BFSP1: variants seen among roughly 807,000 people sequenced by gnomAD.
The protein encoded by BFSP1 is beaded filament structural protein 1.
A neutral mutation model predicts 43.9 loss-of-function variants in BFSP1; 38 were observed. The observed-to-expected ratio is 0.87, with a 90% CI of 0.67 to 1.14. BFSP1 has a LOEUF of 1.14. BFSP1 is among the 50% of genes most tolerant of loss of function. The pLI is 0.00. For synonymous variants in BFSP1, 352 were observed against 354.8 expected (o/e 0.99, Z 0.09); for missense variants, 850 against 875.1 (o/e 0.97, Z 0.36).
rs1394670245 is a variant in BFSP1, at chr20:17,525,490, C to T, written c.378-582G>A. Among the ~76,000 whole-genome samples the T allele has an allele frequency of 6.6e-6, 1 of 152,214 alleles. No homozygotes were observed. Among genetic ancestry groups the T allele is most frequent in the Non-Finnish European group, 1.5e-5 (1 of 68,048 alleles). ...CCTCCCAGCAGCATCACTCCCCACA[C>T]AGCGATGGCCTCCTCTGGGCAAATG... On this transcript the variant is annotated intron_variant, in intron 1 of 7. Transcript: ENST00000377873. This position sits in a 1 kb window ranked among gnomAD's most constrained non-coding sequence, Gnocchi z 4.2.
chr20:17,521,342 A>C (rs2034315709), intron 2 of BFSP1, among the ~76,000 whole-genome samples: 1 of 152,222 alleles, frequency 6.6e-6, no homozygotes, highest in East Asian at 1.9e-4. Flanking sequence ...CACGGGCAGC[A>C]TGAAGAAATG....
At chr20:17,550,315 C>CT (rs142938146) in intron 1 of BFSP1, among the ~76,000 whole-genome samples, 2,008 of 152,172 alleles carry the variant, frequency 0.013, 40 homozygotes, top group East Asian at 0.083. Context: ...TTAAATTTTT[C>CT]TTATATAGGG....
chr20:17,514,006 T>G (rs1304652587), intron 3 of BFSP1, among the ~76,000 whole-genome samples: 1 of 152,144 alleles, frequency 6.6e-6, no homozygotes, highest in Non-Finnish European at 1.5e-5. Context: ...AACACCCCAC[T>G]ACAGGCGGAG....
Position 17,531,070 on chromosome 20 carries a change from G to C in BFSP1, c.260C>G (p.Ala87Gly). The change falls in exon 1 of 8, where the codon GCC becomes GGC. Residue 87 changes from alanine (A) to glycine (G), a missense_variant. Ala to Gly is a moderately conservative substitution (Grantham distance 60). Transcript: ENST00000377873. The stretch of plus-strand genomic sequence containing the variant: ...GTTGCTCTCGACTTGGCGGGCGAGG[G>C]CGTCCTCGGGCCCGGCCAGCTCGCC... ...RLGELAGPED[A>G]LARQVESNRQ... 2.1e-6 allele frequency: 3 copies of C among 1,395,416 alleles called. No individual in the cohort carries two copies. The highest frequency in any genetic ancestry group is 1.5e-5 in the South Asian group (1 of 64,582). 86.4% of individuals were successfully genotyped at this position (1,395,416 alleles called of 1,614,324 possible).
chr20:17,560,681 G>A (rs1292584485), upstream of BFSP1: 1 of 152,188 alleles, frequency 6.6e-6, no homozygotes, highest in East Asian at 1.9e-4. Context: ...TATCCCAGCA[G>A]GGCTTCAGCA....
rs1358898342 is a variant in BFSP1, at chr20:17,499,248, T to A, written c.736-208A>T. On this transcript the variant is annotated intron_variant, in intron 5 of 7. Transcript: ENST00000377873. ...GCTCCTGTGTCCTTACACAATTTTT[T>A]TTTTTTTTTTTTTTGATAGAGGATC... 2.7e-5 allele frequency among the ~76,000 whole-genome samples: 4 copies of A among 150,218 alleles called. No homozygotes were observed. In the East Asian group the frequency reaches 7.8e-4, roughly 29 times the overall value.
At chr20:17,495,676 C>T (rs1001853821) in intron 7 of BFSP1, among the ~76,000 whole-genome samples, 39 of 152,320 alleles carry the variant, frequency 2.6e-4, no homozygotes, top group African/African-American at 9.4e-4. Context: ...ATCCCCTGCC[C>T]CAAGTCCACC....
chr20:17,543,246 C>A (rs1418814973), intron 1 of BFSP1, among the ~76,000 whole-genome samples: 3 of 152,038 alleles, frequency 2.0e-5, no homozygotes, highest in Non-Finnish European at 4.4e-5. Flanking sequence ...TGTCTTTTGC[C>A]GTGTAACAAA....
At position 17,524,863 on chromosome 20, in the gene BFSP1, A is replaced by G. The variant is rs754510507; in HGVS notation, c.423T>C (p.Leu141=). Residue 141 remains leucine, a synonymous_variant, in exon 2 of 8, where the codon CTT becomes CTC. Transcript: ENST00000377873. ...CECQLLLKEM[L]ERLNKEADEA... The stretch of plus-strand genomic sequence containing the variant: ...TTCCGCTCACCTTGTTAAGCCGTTC[A>G]AGCATTTCTTTTAGCAGGAGTTGAC... 3 of 1,614,184 alleles carry G rather than the reference A, an allele frequency of 1.9e-6. No homozygotes were observed. Among genetic ancestry groups the G allele is most frequent in the Non-Finnish European group, 2.5e-6 (3 of 1,179,988 alleles).
chr20:17,551,105 A>T (rs1348352657), intron 1 of BFSP1, among the ~76,000 whole-genome samples: 1 of 152,236 alleles, frequency 6.6e-6, no homozygotes, highest in Non-Finnish European at 1.5e-5. Flanking sequence ...TATGTGGCTT[A>T]GTGCCTGTAT....
At chr20:17,511,518 C>T (rs1046837838) in intron 4 of BFSP1, among the ~76,000 whole-genome samples, 5 of 152,144 alleles carry the variant, frequency 3.3e-5, no homozygotes, top group Non-Finnish European at 1.5e-5. Context: ...CAAAAGGATG[C>T]TCGGCTTCCT....
chr20:17,554,991 G>T (rs2034965726), intron 1 of BFSP1, among the ~76,000 whole-genome samples: 1 of 152,058 alleles, frequency 6.6e-6, no homozygotes, highest in Non-Finnish European at 1.5e-5. Context: ...ATTAAGCCAT[G>T]CATAGACTCT....
At chr20:17,512,949 A>G (rs2034121323) in intron 3 of BFSP1, among the ~76,000 whole-genome samples, 1 of 152,188 alleles carries the variant, frequency 6.6e-6, no homozygotes, top group South Asian at 2.1e-4. Context: ...CCCTGTCCCC[A>G]GCTCTGTAAT....
chr20:17,568,993 GAC>G (rs1174041905), intron 1 of BFSP1, among the ~76,000 whole-genome samples: 1 of 152,120 alleles, frequency 6.6e-6, no homozygotes. Context: ...CCGTGTTTCC[GAC>G]GCAACCGCCC....
At position 17,524,935 on chromosome 20, in the gene BFSP1, T is replaced by C. The variant is rs183878905; in HGVS notation, c.378-27A>G. ...TGCAAATTGGACACATAAGTGAGAG[T>C]TGGGTAACTACCATGCTTTCACATG... On this transcript the variant is annotated intron_variant, in intron 1 of 7. Transcript: ENST00000377873. 1.8e-5 allele frequency: 28 copies of C among 1,587,708 alleles called. No homozygotes were observed. The Admixed American group carries it at 3.8e-4, about 22-fold the overall frequency.
chr20:17,564,577 A>AACT (rs1309062775), intron 1 of BFSP1, among the ~76,000 whole-genome samples: 1 of 151,984 alleles, frequency 6.6e-6, no homozygotes, highest in Non-Finnish European at 1.5e-5. Context: ...GATTCATTTA[A>AACT]ACTACTACTT....
At chr20:17,555,144 A>G (rs990920950) in intron 1 of BFSP1, among the ~76,000 whole-genome samples, 1 of 151,758 alleles carries the variant, frequency 6.6e-6, no homozygotes, top group African/African-American at 2.4e-5. Context: ...ACAAAAAATT[A>G]AAACAAATTA....
At chr20:17,500,229 T>TAAGTACTGTA (rs1158037683) in intron 5 of BFSP1, among the ~76,000 whole-genome samples, 1 of 152,210 alleles carries the variant, frequency 6.6e-6, no homozygotes, top group African/African-American at 2.4e-5. Context: ...TACAGTACAT[T>TAAGTACTGTA]AATCAGAGCA....
chr20:17,561,391 C>G (rs569267361), upstream of BFSP1, among the ~76,000 whole-genome samples: 1 of 151,780 alleles, frequency 6.6e-6, no homozygotes. Flanking sequence ...CCCAGCTACT[C>G]GGGAGGCTGA....
Sources: gnomAD v4.1 joint callset for allele counts (sites outside exome capture counted in the v4.1 genomes callset) on GRCh38, gnomAD v4.1.1 for gene constraint, Gnocchi (gnomAD v3.1) non-coding constraint, MANE v1.5 for transcripts, NCBI Gene and HGNC (gene_info 2026-07-23, HGNC 2026-07-21) for gene names.